The following CSMD1 variants were observed in gnomAD, a reference collection of about 807,000 sequenced individuals.
CSMD1 encodes CUB and sushi domain-containing protein 1.
Under a neutral mutation model 417.5 loss-of-function variants are expected in CSMD1, and 213 were observed. That is an observed-to-expected ratio of 0.51 (90% CI 0.46 to 0.57). CSMD1 has a LOEUF of 0.57. CSMD1 is among the 20% of genes least tolerant of loss of function. The pLI is 0.00. For missense variants in CSMD1, 6,923 were observed against 4,529.7 expected (o/e 1.53, Z -15.17); for synonymous variants, 2,862 against 1,736.8 (o/e 1.65, Z -16.11).
chr8:4,089,559 T>C (rs982795414), intron 3 of CSMD1, among the ~76,000 whole-genome samples: 1 of 152,192 alleles, frequency 6.6e-6, no homozygotes, highest in Admixed American at 6.5e-5. Flanking sequence ...GGATTCTGAC[T>C]TGCATTACTT....
intron 3 of CSMD1, among the ~76,000 whole-genome samples, chr8:4,400,097 T>C (rs1483415829): frequency 6.6e-6 from 1 of 152,130 alleles, no homozygotes; most frequent in Admixed American, 6.5e-5. Context: ...TACGAGTACA[T>C]TAAAATAGTG....
chr8:3,666,914 T>C (rs986032657), intron 7 of CSMD1, among the ~76,000 whole-genome samples: 10 of 152,208 alleles, frequency 6.6e-5, no homozygotes, highest in African/African-American at 2.4e-4. Context: ...CCTGCTATGG[T>C]GCACATGATT....
chr8:3,173,098 T>C (rs1188799057), intron 37 of CSMD1, among the ~76,000 whole-genome samples: 4 of 152,214 alleles, frequency 2.6e-5, no homozygotes, highest in African/African-American at 4.8e-5. Context: ...AATCACTTTA[T>C]TTAGGAAGGA....
At chr8:3,356,623 C>T (rs772317966) in intron 21 of CSMD1, among the ~76,000 whole-genome samples, 1 of 152,240 alleles carries the variant, frequency 6.6e-6, no homozygotes, top group African/African-American at 2.4e-5. Context: ...TGCATTGAGC[C>T]GAGATCGTGC....
chr8:3,282,880 A>C (rs1438883394), intron 26 of CSMD1, among the ~76,000 whole-genome samples: 2 of 152,154 alleles, frequency 1.3e-5, no homozygotes, highest in African/African-American at 4.8e-5. Flanking sequence ...CCAAGAGATA[A>C]ATTGAGTCTG....
At chr8:3,568,636 CAG>C (rs1799817637) in intron 10 of CSMD1, among the ~76,000 whole-genome samples, 1 of 152,024 alleles carries the variant, frequency 6.6e-6, no homozygotes, top group Admixed American at 6.6e-5. Context: ...AGCTATATAA[CAG>C]AAACTTTTAA....
intron 5 of CSMD1, among the ~76,000 whole-genome samples, chr8:3,956,475 G>A (rs1343391214): frequency 6.6e-6 from 1 of 152,066 alleles, no homozygotes; most frequent in Non-Finnish European, 1.5e-5. Flanking sequence ...AATCATCCAC[G>A]TACATTCCTA....
At chr8:3,437,129 G>A (rs1042401389) in intron 12 of CSMD1, among the ~76,000 whole-genome samples, 2 of 152,082 alleles carry the variant, frequency 1.3e-5, no homozygotes, top group Non-Finnish European at 2.9e-5. Context: ...TGATCCTCCT[G>A]GTAGGGAGGG....
At chr8:4,568,139 T>A (rs920369791) in intron 2 of CSMD1, among the ~76,000 whole-genome samples, 8 of 152,212 alleles carry the variant, frequency 5.3e-5, no homozygotes, top group Non-Finnish European at 8.8e-5. Flanking sequence ...AGATGCTTTG[T>A]GTGTCTTTTT....
At chr8:4,026,196 A>C (rs928557957) in intron 4 of CSMD1, among the ~76,000 whole-genome samples, 1 of 152,194 alleles carries the variant, frequency 6.6e-6, no homozygotes, top group African/African-American at 2.4e-5. Flanking sequence ...TTTTCTTTAT[A>C]ATCTAGTTAT....
chr8:4,953,269 A>G (rs1459360386), intron 1 of CSMD1, among the ~76,000 whole-genome samples: 1 of 152,186 alleles, frequency 6.6e-6, no homozygotes, highest in Non-Finnish European at 1.5e-5. Flanking sequence ...ATATTTCTAA[A>G]TAGCCTAACT....
At chr8:4,479,577 C>G (rs530249330) in intron 2 of CSMD1, among the ~76,000 whole-genome samples, 17 of 152,218 alleles carry the variant, frequency 1.1e-4, no homozygotes, top group African/African-American at 4.1e-4. Context: ...ACATTTTTCT[C>G]TAAAATTTTA....
chr8:4,763,037 G>C (rs538386438), intron 1 of CSMD1, among the ~76,000 whole-genome samples: 2 of 152,226 alleles, frequency 1.3e-5, no homozygotes, highest in East Asian at 1.9e-4. Flanking sequence ...TGCACCCCTA[G>C]CAAGACTTCC....
intron 2 of CSMD1, among the ~76,000 whole-genome samples, chr8:4,553,234 G>C (rs953204794): frequency 6.6e-6 from 1 of 152,116 alleles, no homozygotes; most frequent in Non-Finnish European, 1.5e-5. Context: ...AATCTGGACA[G>C]TCTGCAACCA....
At chr8:4,806,154 T>G (rs757050225) in intron 1 of CSMD1, among the ~76,000 whole-genome samples, 1 of 152,132 alleles carries the variant, frequency 6.6e-6, no homozygotes, top group Admixed American at 6.6e-5. Flanking sequence ...TAGGAAGTGA[T>G]AACTCAATTG....
intron 1 of CSMD1, among the ~76,000 whole-genome samples, chr8:4,960,886 C>T (rs1300453717): frequency 6.6e-6 from 1 of 152,126 alleles, no homozygotes; most frequent in African/African-American, 2.4e-5. Context: ...AAAGATTCCT[C>T]AACTCCTGAA....
Position 2,963,238 on chromosome 8 carries a change from C to G in CSMD1, c.9438G>C (p.Glu3146Asp), listed in dbSNP as rs1803657466. 6.2e-7 allele frequency: 1 copy of G among 1,613,884 alleles called. No individual in the cohort carries two copies. Among genetic ancestry groups the G allele is most frequent in the Non-Finnish European group, 8.5e-7 (1 of 1,179,840 alleles). ...AGAACTTACGGAGACACTGGGGGATCTCTCCTTTCCACACCCCGCGACCTT... is the reference window on the plus strand; with the variant it reads ...AGAACTTACGGAGACACTGGGGGATGTCTCCTTTCCACACCCCGCGACCTT... ...SCEGRGVWKG[E>D]IPQCLPVFCG... Residue 3146 changes from glutamate to aspartate, a missense_variant, in exon 60 of 70, where the codon GAG becomes GAC. Glu to Asp is a conservative substitution (Grantham distance 45). Coordinates refer to ENST00000635120, the MANE Select transcript of CSMD1 (RefSeq NM_033225.6).
At chr8:3,775,503 A>T (rs930274773) in intron 5 of CSMD1, among the ~76,000 whole-genome samples, 1 of 152,190 alleles carries the variant, frequency 6.6e-6, no homozygotes, top group Admixed American at 6.5e-5. Flanking sequence ...GTTATGAATA[A>T]CATTTCCAAT....
chr8:4,521,477 T>C (rs1743965119), intron 2 of CSMD1, among the ~76,000 whole-genome samples: 2 of 152,236 alleles, frequency 1.3e-5, no homozygotes, highest in Admixed American at 6.5e-5. Context: ...AGAATATGCA[T>C]TTATATAAGA....
Sources: gnomAD v4.1 joint callset for allele counts (sites outside exome capture counted in the v4.1 genomes callset) on GRCh38, gnomAD v4.1.1 for gene constraint, MANE v1.5 for transcripts, NCBI Gene and HGNC (gene_info 2026-07-23, HGNC 2026-07-21) for gene names.